HEATR4: variants seen among roughly 807,000 people sequenced by gnomAD.
The protein encoded by HEATR4 is HEAT repeat containing 4, also known as HEAT repeat-containing protein 4.
HEATR4 carries 95 observed loss-of-function variants against 108.8 expected under a neutral mutation model. That is an observed-to-expected ratio of 0.87 (90% CI 0.74 to 1.04). The LOEUF is 1.04. Among genes scored for constraint, HEATR4 ranks in the 50% least tolerant of loss-of-function variants. HEATR4 has a pLI of 0.00. For synonymous variants in HEATR4, 443 were observed against 459.4 expected, an observed-to-expected ratio of 0.96 and a Z score of 0.46; for missense variants, 1,152 against 1,253.8, an observed-to-expected ratio of 0.92 and a Z score of 1.23.
In HEATR4 at chr14:73,539,015, C is replaced by T. The variant is rs1888981764; in HGVS notation, c.-151-8771G>A. Reference sequence around the variant, plus strand: ...ACAAACAACAACAACAAAAAATTTTCAAGTAGTTTCAATGTTCTTATTTAT... The same window carrying T: ...ACAAACAACAACAACAAAAAATTTTTAAGTAGTTTCAATGTTCTTATTTAT... On this transcript the variant is annotated intron_variant, in intron 1 of 17. Transcript: ENST00000553558. Among the ~76,000 whole-genome samples, 2 of 115,266 alleles carry T rather than the reference C, an allele frequency of 1.7e-5. 1 individual carries two copies. Among genetic ancestry groups the T allele is most frequent in the African/African-American group, 5.6e-5 (2 of 35,432 alleles). 75.6% of individuals were successfully genotyped at this position (115,266 alleles called of 152,430 possible).
the HEATR4 span, chr14:73,612,968 G>A: frequency 8.3e-7 from 1 of 1,197,798 alleles, no homozygotes; most frequent in African/African-American, 1.6e-5. Flanking sequence ...TCTCCGGCCG[G>A]GGGTGCGGCG....
At chr14:73,493,215 C>A in intron 16 of HEATR4, 91 bp from the exon 17 acceptor site, 1 of 1,006,840 alleles carries the variant, frequency 9.9e-7, no homozygotes, top group Non-Finnish European at 1.6e-6. Flanking sequence ...CACCTTCAGG[C>A]TTCAGTGTAC....
At chr14:73,511,735 G>C (rs1887283256) in intron 7 of HEATR4, among the ~76,000 whole-genome samples, 1 of 151,868 alleles carries the variant, frequency 6.6e-6, no homozygotes, top group African/African-American at 2.4e-5. Flanking sequence ...AAAAAAGAAT[G>C]GGATCTTCAA....
At chr14:73,569,970 G>GCC in the HEATR4 span, 261 of 1,458,730 alleles carry the variant, frequency 1.8e-4, 3 homozygotes, top group Middle Eastern at 6.3e-4. Flanking sequence ...TTATGTGTAT[G>GCC]CCCCCCCGCC....
the HEATR4 span, among the ~76,000 whole-genome samples, chr14:73,572,953 TTAC>T: frequency 6.6e-6 from 1 of 151,580 alleles, no homozygotes; most frequent in African/African-American, 2.4e-5. Flanking sequence ...GCCTGCATTA[TTAC>T]TATTTAATTT....
intron 16 of HEATR4, 113 bp downstream of exon 16, chr14:73,495,115 C>G (rs928028355): frequency 3.9e-5 from 33 of 845,754 alleles, no homozygotes; most frequent in Non-Finnish European, 6.1e-5. Context: ...AGAGAGTACC[C>G]TTTCCTGACT....
chr14:73,564,020 G>T, the HEATR4 span, among the ~76,000 whole-genome samples: 1 of 151,478 alleles, frequency 6.6e-6, no homozygotes, highest in African/African-American at 2.4e-5. Context: ...AAGAGTTAAG[G>T]CCAGACACGG....
At chr14:73,594,016 T>C in the HEATR4 span, 4 of 959,704 alleles carry the variant, frequency 4.2e-6, no homozygotes, top group Non-Finnish European at 1.5e-6. Flanking sequence ...AAAGATGTCT[T>C]CTGGAGACTT....
intron 1 of HEATR4, among the ~76,000 whole-genome samples, chr14:73,547,451 T>C (rs1454186476): frequency 4.3e-5 from 5 of 115,132 alleles, no homozygotes; most frequent in African/African-American, 1.4e-4. Context: ...TCAGGCAATC[T>C]TCCCACCTTG....
chr14:73,516,925 A>G (rs1887637141), intron 5 of HEATR4, among the ~76,000 whole-genome samples: 1 of 152,210 alleles, frequency 6.6e-6, no homozygotes, highest in African/African-American at 2.4e-5. Context: ...ATCTTCCACG[A>G]AACCGGTCCC....
chr14:73,515,602 C>A (rs1887551916), intron 5 of HEATR4, among the ~76,000 whole-genome samples: 1 of 134,856 alleles, frequency 7.4e-6, no homozygotes, highest in South Asian at 2.3e-4. Context: ...ATCACTTGAA[C>A]TGGGGAGGCG....
At chr14:73,585,210 G>C in the HEATR4 span, among the ~76,000 whole-genome samples, 5 of 152,122 alleles carry the variant, frequency 3.3e-5, no homozygotes, top group South Asian at 1.0e-3. Flanking sequence ...ACCTTGTCTC[G>C]CTCATCTGCC....
chr14:73,561,125 G>T (rs1889525690), upstream of HEATR4, among the ~76,000 whole-genome samples: 2 of 152,194 alleles, frequency 1.3e-5, no homozygotes, highest in South Asian at 2.1e-4. Context: ...CAGCACTTTG[G>T]GAGGCCGAGG....
At chr14:73,589,665 A>G in the HEATR4 span, among the ~76,000 whole-genome samples, 4 of 152,140 alleles carry the variant, frequency 2.6e-5, no homozygotes, top group Admixed American at 6.6e-5. Context: ...ACTGACATGT[A>G]TGGCCAGGCA....
the HEATR4 span, chr14:73,612,874 C>G: frequency 5.7e-6 from 8 of 1,401,354 alleles, no homozygotes; most frequent in Non-Finnish European, 6.7e-6. Flanking sequence ...TGCGGACGCC[C>G]TTCGCCGTGG....
In HEATR4 at chr14:73,522,819, G is replaced by A. The variant is rs115176998; in HGVS notation, c.334C>T (p.Arg112Trp). 4,379 of 1,614,164 alleles carry A rather than the reference G, an allele frequency of 2.7e-3. 93 individuals are homozygous for A. The African/African-American group carries it at 0.05, about 18-fold the overall frequency. Residue 112 changes from arginine (R) to tryptophan (W), a missense_variant, in exon 3 of 18, where the codon CGG (arginine) becomes TGG (tryptophan). Coordinates refer to ENST00000553558, the MANE Select transcript of HEATR4 (RefSeq NM_001220484.1). ...TTGAAGCTAACAGGTTTCTGAGGCC[G>A]GGCCTTCCTGATCTGGGGAGTATGG... The part of the protein sequence containing the change: ...IIHTPQIRKA[R>W]PQKPVSFKFL...
the HEATR4 span, among the ~76,000 whole-genome samples, chr14:73,608,245 T>C: frequency 2.8e-3 from 422 of 152,356 alleles, 1 homozygote; most frequent in African/African-American, 9.7e-3. Context: ...TTCTATAGCA[T>C]AGTCAGTCTG....
the HEATR4 span, among the ~76,000 whole-genome samples, chr14:73,618,226 G>C: frequency 1.3e-5 from 2 of 152,102 alleles, no homozygotes; most frequent in Non-Finnish European, 2.9e-5. Flanking sequence ...TTATCATCCA[G>C]GTTTAAAGAG....
the HEATR4 span, among the ~76,000 whole-genome samples, chr14:73,608,131 G>A: frequency 2.0e-5 from 3 of 151,336 alleles, no homozygotes; most frequent in Non-Finnish European, 4.4e-5. Context: ...CACCATCTTG[G>A]CCAGGCTGAT....
Sources: gnomAD v4.1 joint callset for allele counts (sites outside exome capture counted in the v4.1 genomes callset) on GRCh38, gnomAD v4.1.1 for gene constraint, MANE v1.5 for transcripts, NCBI Gene and HGNC (gene_info 2026-07-23, HGNC 2026-07-21) for gene names.